Variants in EFCAB11 observed in about 807,000 individuals in gnomAD.
The protein encoded by EFCAB11 is EF-hand calcium-binding domain-containing protein 11.
In EFCAB11, 14 loss-of-function variants were observed where a neutral mutation model predicts 23.0. The observed-to-expected ratio is 0.61, with a 90% CI of 0.40 to 0.95. The LOEUF is 0.95. EFCAB11 is among the 40% of genes least tolerant of loss of function. The pLI is 0.00. For missense variants in EFCAB11, 198 were observed against 195.8 expected (o/e 1.01, Z -0.07); for synonymous variants, 65 against 66.6 (o/e 0.98, Z 0.11).
chr14:89,889,647 G>A (rs1286951), intron 5 of EFCAB11, among the ~76,000 whole-genome samples: 33,621 of 152,194 alleles, frequency 0.22, 4,752 homozygotes, highest in African/African-American at 0.38. Flanking sequence ...TGTTTGTGCA[G>A]ACAACATGGC....
chr14:89,913,873 T>A (rs896344162), intron 5 of EFCAB11, among the ~76,000 whole-genome samples: 2 of 152,206 alleles, frequency 1.3e-5, no homozygotes, highest in Non-Finnish European at 2.9e-5. Flanking sequence ...GGGCTGCTTA[T>A]CAATTCCTGC....
chr14:89,866,606 G>A (rs960470430), intron 5 of EFCAB11, among the ~76,000 whole-genome samples: 1 of 152,032 alleles, frequency 6.6e-6, no homozygotes, highest in Non-Finnish European at 1.5e-5. Flanking sequence ...CTAAGCCCTG[G>A]GCCCACACCC....
intron 5 of EFCAB11, among the ~76,000 whole-genome samples, chr14:89,833,481 GAATA>G (rs1199910607): frequency 1.3e-5 from 2 of 152,186 alleles, no homozygotes; most frequent in African/African-American, 2.4e-5. Context: ...AATGATGAAT[GAATA>G]AACAAAGGAA....
chr14:89,954,352 T>C, intron 1 of EFCAB11: 4 of 1,536,004 alleles, frequency 2.6e-6, no homozygotes. Flanking sequence ...GACTCAAGGT[T>C]ACCATTAATA....
intron 5 of EFCAB11, among the ~76,000 whole-genome samples, chr14:89,842,637 G>GATATGATATGATATGATATA (rs1304143561): frequency 7.1e-4 from 35 of 49,072 alleles, no homozygotes; most frequent in African/African-American, 1.7e-3. Context: ...GATATGATAT[G>GATATGATATGATATGATATA]ATATAATATA....
chr14:89,901,244 C>T (rs918080065), intron 5 of EFCAB11, among the ~76,000 whole-genome samples: 1 of 152,044 alleles, frequency 6.6e-6, no homozygotes, highest in Non-Finnish European at 1.5e-5. Flanking sequence ...TGTCTTGTAT[C>T]GCCAGTGGAG....
chr14:89,925,711 C>T (rs10142170), intron 5 of EFCAB11, among the ~76,000 whole-genome samples: 46,567 of 149,406 alleles, frequency 0.31, 11,161 homozygotes, highest in African/African-American at 0.67. Flanking sequence ...AATGGCGCAG[C>T]CTGGGCTCAC....
At chr14:89,836,221 G>C (rs1333078315) in intron 5 of EFCAB11, among the ~76,000 whole-genome samples, 2 of 151,828 alleles carry the variant, frequency 1.3e-5, no homozygotes, top group Non-Finnish European at 1.5e-5. Context: ...TCAGGACAGA[G>C]GCGACCCTAC....
chr14:89,850,135 T>C (rs536469680), intron 5 of EFCAB11, among the ~76,000 whole-genome samples: 2 of 152,344 alleles, frequency 1.3e-5, no homozygotes, highest in East Asian at 1.9e-4. Context: ...GCTGCAGTGA[T>C]GCAAACTTCA....
At chr14:89,874,725 G>A (rs188004818) in intron 5 of EFCAB11, among the ~76,000 whole-genome samples, 167 of 152,164 alleles carry the variant, frequency 1.1e-3, no homozygotes, top group African/African-American at 3.6e-3. Flanking sequence ...GTGAAACCCC[G>A]CCTCTACTAA....
Position 89,954,019 on chromosome 14 carries a change from G to A in EFCAB11, c.76-18C>T, listed in dbSNP as rs778618513. 1 of 1,575,538 alleles carries A rather than the reference G, an allele frequency of 6.3e-7. No homozygotes were observed. The highest frequency in any genetic ancestry group is 8.7e-7 in the Non-Finnish European group (1 of 1,147,954). ...TTAAATACCTGAAGAACATTAAATA[G>A]CTTTAGTTAATGAGACAGAAATGGT... On this transcript the variant is annotated intron_variant, in intron 1 of 5. Transcript: ENST00000316738.
At chr14:89,827,888 C>T (rs1010567172) in intron 5 of EFCAB11, among the ~76,000 whole-genome samples, 5 of 152,186 alleles carry the variant, frequency 3.3e-5, no homozygotes, top group African/African-American at 4.8e-5. Flanking sequence ...CTGCCTCGGC[C>T]TCCCAAAGTG....
At chr14:89,822,802 A>G (rs559249378) in intron 5 of EFCAB11, among the ~76,000 whole-genome samples, 46 of 152,322 alleles carry the variant, frequency 3.0e-4, no homozygotes, top group African/African-American at 1.1e-3. Flanking sequence ...CAAAGGCCAT[A>G]CCTCAGAAAT....
At chr14:89,852,132 C>T (rs761364047) in intron 5 of EFCAB11, among the ~76,000 whole-genome samples, 2 of 152,154 alleles carry the variant, frequency 1.3e-5, no homozygotes, top group Non-Finnish European at 2.9e-5. Flanking sequence ...TTCAGGAGAA[C>T]GCAGTCTTGT....
chr14:89,827,133 T>C (rs918895296), intron 5 of EFCAB11, among the ~76,000 whole-genome samples: 41 of 152,206 alleles, frequency 2.7e-4, no homozygotes, highest in African/African-American at 9.6e-4. Context: ...AATTCTGCAA[T>C]TAAAAGGTAG....
chr14:89,937,671 G>T (rs897384817), intron 3 of EFCAB11, among the ~76,000 whole-genome samples: 3 of 152,044 alleles, frequency 2.0e-5, no homozygotes, highest in African/African-American at 4.8e-5. Context: ...GATTACAGGT[G>T]TGTGCCATCA....
In EFCAB11 at chr14:89,794,949, A is replaced by G. The variant is rs1163497335; in HGVS notation, c.*2294T>C. 1 of 117,254 alleles carries G rather than the reference A, an allele frequency of 8.5e-6. No homozygotes were observed. Among genetic ancestry groups the G allele is most frequent in the East Asian group, 2.8e-4 (1 of 3,622 alleles). 7.3% of individuals were successfully genotyped at this position (117,254 alleles called of 1,614,324 possible). A position where few individuals can be genotyped will look rare whatever the true frequency, so the allele number is the denominator to read the frequency against. On this transcript the variant is annotated 3_prime_UTR_variant, in exon 6 of 6. Coordinates refer to ENST00000316738, the MANE Select transcript of EFCAB11 (RefSeq NM_145231.4). ...TATTATTAGCTAAAGTCCATGCTTGATTTGTTTCTACTTAATGTCTTTTTT... is the reference window on the plus strand; with the variant it reads ...TATTATTAGCTAAAGTCCATGCTTGGTTTGTTTCTACTTAATGTCTTTTTT...
chr14:89,801,561 C>T (rs1008782456), intron 5 of EFCAB11, among the ~76,000 whole-genome samples: 6 of 152,020 alleles, frequency 3.9e-5, no homozygotes, highest in African/African-American at 1.2e-4. Context: ...AGGCAATACT[C>T]TATGGACTTC....
chr14:89,952,487 G>A (rs1212694253), intron 2 of EFCAB11: 1 of 985,312 alleles, frequency 1.0e-6, no homozygotes, highest in Non-Finnish European at 1.2e-6. Flanking sequence ...CAGGTAAACA[G>A]GAGAGCTGCC....
Sources: gnomAD v4.1 joint callset for allele counts (sites outside exome capture counted in the v4.1 genomes callset) on GRCh38, gnomAD v4.1.1 for gene constraint, MANE v1.5 for transcripts, NCBI Gene and HGNC (gene_info 2026-07-23, HGNC 2026-07-21) for gene names.